The following GIGYF2 variants were observed in gnomAD, a reference collection of about 807,000 sequenced individuals.
GIGYF2 encodes GRB10 interacting GYF protein 2.
A neutral mutation model predicts 208.1 loss-of-function variants in GIGYF2; 25 were observed. The observed-to-expected ratio is 0.12, with a 90% CI of 0.09 to 0.17. The LOEUF (loss-of-function observed/expected upper bound fraction) is 0.17. GIGYF2 is among the 10% of genes least tolerant of loss of function. The pLI is 1.00. For missense variants in GIGYF2, 1,302 were observed against 1,579.4 expected (o/e 0.82, Z 2.98); for synonymous variants, 534 against 543.8 (o/e 0.98, Z 0.25).
intron 28 of GIGYF2, among the ~76,000 whole-genome samples, chr2:232,854,136 A>G (rs561816128): frequency 2.0e-5 from 3 of 152,380 alleles, no homozygotes; most frequent in African/African-American, 2.4e-5. Flanking sequence ...ATAAAGTAGT[A>G]TTTTATTTCA....
At chr2:232,763,831 CAAA>C (rs35848912) in intron 8 of GIGYF2, among the ~76,000 whole-genome samples, 3 of 119,822 alleles carry the variant, frequency 2.5e-5, no homozygotes, top group African/African-American at 3.4e-5. Context: ...ACTCTGTCTG[CAAA>C]AAAAAAAAAA....
chr2:232,806,697 C>A lies in GIGYF2; in HGVS notation c.1806+40C>A. ...CCTCACCTGGAATACATATTAGTCA[C>A]GGAAACACTTGATTCTCTTTGAAAA... On this transcript the variant is annotated intron_variant, in intron 15 of 28. Coordinates refer to ENST00000373563, the MANE Select transcript of GIGYF2 (RefSeq NM_001103146.3). This position sits in a 1 kb window ranked among gnomAD's most constrained non-coding sequence, Gnocchi z 4.0. The A allele has an allele frequency of 7.4e-7, 1 of 1,358,650 alleles. No individual in the cohort carries two copies. Among genetic ancestry groups the A allele is most frequent in the East Asian group, 2.3e-5 (1 of 43,760 alleles). The allele number at this position is 1,358,650 out of a possible 1,614,324, so 84.2% of individuals were successfully genotyped here.
At chr2:232,713,468 GGAATTCCA>G (rs1343456997) in intron 2 of GIGYF2, among the ~76,000 whole-genome samples, 1 of 152,122 alleles carries the variant, frequency 6.6e-6, no homozygotes, top group Admixed American at 6.5e-5. Flanking sequence ...AAGATAGTGC[GGAATTCCA>G]GTTATTAACA....
Position 232,806,722 on chromosome 2 carries a change from A to C in GIGYF2, c.1806+65A>C. 1 of 1,086,146 alleles carries C rather than the reference A, an allele frequency of 9.2e-7. No individual in the cohort carries two copies. Among genetic ancestry groups the C allele is most frequent in the Non-Finnish European group, 1.4e-6 (1 of 700,184 alleles). 67.3% of individuals were successfully genotyped at this position (1,086,146 alleles called of 1,614,324 possible). ...CGGAAACACTTGATTCTCTTTGAAA[A>C]CACAACCCAAATATATCATCTAATG... On this transcript the variant is annotated intron_variant, in intron 15 of 28. Coordinates refer to ENST00000373563, the MANE Select transcript of GIGYF2 (RefSeq NM_001103146.3). This position sits in a 1 kb window ranked among gnomAD's most constrained non-coding sequence, Gnocchi z 4.0.
chr2:232,820,733 T>C (rs1384650241), intron 21 of GIGYF2, among the ~76,000 whole-genome samples: 1 of 152,200 alleles, frequency 6.6e-6, no homozygotes, highest in Non-Finnish European at 1.5e-5. Context: ...AAAGAGACTG[T>C]TCTTCATTGT....
Position 232,858,872 on chromosome 2 carries a change from A to G in GIGYF2, c.*2012A>G, listed in dbSNP as rs1690671434. 1.1e-5 allele frequency: 3 copies of G among 273,408 alleles called. No homozygotes were observed. The highest frequency in any genetic ancestry group is 1.3e-3 in the Middle Eastern group (1 of 774). The allele number at this position is 273,408 out of a possible 1,614,324, so 16.9% of individuals were successfully genotyped here. A position where few individuals can be genotyped will look rare whatever the true frequency, so the allele number is the denominator to read the frequency against. ...CTCCCTTTCTGCTAACATGTGGATC[A>G]GCTCCTGCCCTCATACCGCAGACAC... On this transcript the variant is annotated 3_prime_UTR_variant, in exon 29 of 29. Transcript: ENST00000373563.
At chr2:232,838,135 C>G (rs1701705028) in intron 22 of GIGYF2, among the ~76,000 whole-genome samples, 1 of 152,016 alleles carries the variant, frequency 6.6e-6, no homozygotes, top group African/African-American at 2.4e-5. Flanking sequence ...AAAATGAAAG[C>G]TATCAGCAGA....
chr2:232,803,091 A>G (rs1700450375), intron 14 of GIGYF2, among the ~76,000 whole-genome samples: 1 of 152,006 alleles, frequency 6.6e-6, no homozygotes, highest in Non-Finnish European at 1.5e-5. Context: ...GGGTTTCACC[A>G]TGTTGGCCAG....
At chr2:232,703,066 A>G (rs1452032048) in intron 1 of GIGYF2, among the ~76,000 whole-genome samples, 1 of 152,226 alleles carries the variant, frequency 6.6e-6, no homozygotes, top group African/African-American at 2.4e-5. Context: ...GATTACAGGC[A>G]TGACCCACTG....
intron 2 of GIGYF2, among the ~76,000 whole-genome samples, chr2:232,707,927 C>A (rs1696202614): frequency 6.6e-6 from 1 of 151,970 alleles, no homozygotes; most frequent in South Asian, 2.1e-4. Flanking sequence ...TGTGAGCCAC[C>A]ATTCCCAGCC....
chr2:232,767,888 C>A, intron 8 of GIGYF2: 1 of 353,410 alleles, frequency 2.8e-6, no homozygotes, highest in Non-Finnish European at 5.3e-6. Flanking sequence ...ACTTCACTGT[C>A]CATTTTGCCT....
chr2:232,794,222 A>G lies in GIGYF2; in HGVS notation c.1283-526A>G, dbSNP rs1419465411. Among the ~76,000 whole-genome samples the G allele has an allele frequency of 3.3e-5, 5 of 152,200 alleles. No individual in the cohort carries two copies. The East Asian group carries it at 9.6e-4, about 29-fold the overall frequency. On this transcript the variant is annotated intron_variant, in intron 12 of 28. Transcript: ENST00000373563. ...AACCTCTTTTATAATTTGTATTCCTATTGAGAAGAACATCCTGCACTGTAC... is the reference window on the plus strand; with the variant it reads ...AACCTCTTTTATAATTTGTATTCCTGTTGAGAAGAACATCCTGCACTGTAC...
At chr2:232,782,664 T>C (rs1366979384) in intron 8 of GIGYF2, 1 of 152,258 alleles carries the variant, frequency 6.6e-6, no homozygotes, top group African/African-American at 2.4e-5. Flanking sequence ...ATGAATCTCC[T>C]GTGCTTGCTT....
chr2:232,699,973 A>G (rs190469513), intron 1 of GIGYF2, among the ~76,000 whole-genome samples: 73 of 152,242 alleles, frequency 4.8e-4, no homozygotes, highest in East Asian at 1.7e-3. Flanking sequence ...TGCAAAAAAC[A>G]TTTTCTGATT....
chr2:232,747,485 G>T (rs1698187739), intron 3 of GIGYF2, 130 bp from the exon 4 acceptor site: 1 of 976,898 alleles, frequency 1.0e-6, no homozygotes, highest in African/African-American at 1.6e-5. Context: ...GCTAAAGTCT[G>T]ATACTTTGAG....
intron 8 of GIGYF2, chr2:232,776,439 A>G (rs1442988761): frequency 6.2e-7 from 1 of 1,602,158 alleles, no homozygotes; most frequent in Non-Finnish European, 8.5e-7. Flanking sequence ...TATTGCATGT[A>G]CTCACCAGTT....
At chr2:232,708,143 A>G (rs1462645832) in intron 2 of GIGYF2, among the ~76,000 whole-genome samples, 1 of 151,722 alleles carries the variant, frequency 6.6e-6, no homozygotes, top group East Asian at 1.9e-4. Context: ...CTATTTTTGT[A>G]GAGACTGGTT....
At chr2:232,756,085 A>G in intron 5 of GIGYF2, 138 bp from the exon 6 acceptor site, 1 of 605,746 alleles carries the variant, frequency 1.7e-6, no homozygotes, top group Non-Finnish European at 2.9e-6. Flanking sequence ...ATGGTTTTCC[A>G]TTGCTAGTAG....
chr2:232,747,476 C>T lies in GIGYF2; in HGVS notation c.42-139C>T. 15 of 906,348 alleles carry T rather than the reference C, an allele frequency of 1.7e-5. 1 individual carries two copies. In the South Asian group the frequency reaches 2.2e-4, roughly 13 times the overall value. The allele number at this position is 906,348 out of a possible 1,614,324, so 56.1% of individuals were successfully genotyped here. On this transcript the variant is annotated intron_variant, in intron 3 of 28. Coordinates refer to ENST00000373563, the MANE Select transcript of GIGYF2 (RefSeq NM_001103146.3). ...GCCATGACAAAAGATTGTATTAAAG[C>T]TAAAGTCTGATACTTTGAGATAGTA... is the stretch of plus-strand genomic sequence containing the variant.
Sources: allele counts gnomAD v4.1 joint callset (sites outside exome capture counted in the v4.1 genomes callset), GRCh38; gene constraint gnomAD v4.1.1; non-coding constraint Gnocchi (gnomAD v3.1); transcripts MANE v1.5; gene names NCBI Gene and HGNC (gene_info 2026-07-23, HGNC 2026-07-21).